Variants in PCDH15 observed in about 807,000 individuals in gnomAD.
PCDH15 encodes protocadherin related 15, also known as protocadherin-15.
In PCDH15, 129 loss-of-function variants were observed where a neutral mutation model predicts 178.5. The observed-to-expected ratio is 0.72, with a 90% confidence interval of 0.63 to 0.84. The LOEUF (loss-of-function observed/expected upper bound fraction) is 0.84, where lower values mean the gene tolerates loss of function less well. Ranked by LOEUF, PCDH15 falls within the 40% of genes least tolerant of loss-of-function variation. The pLI, the probability that PCDH15 is intolerant of heterozygous loss-of-function variation, is 0.00. For synonymous variants in PCDH15, 800 were observed against 732.0 expected, an observed-to-expected ratio of 1.09 and a Z score of -1.50; for missense variants, 2,230 against 2,099.9, an observed-to-expected ratio of 1.06 and a Z score of -1.21.
chr10:54,567,990 A>G (rs115563104), intron 2 of PCDH15, among the ~76,000 whole-genome samples: 1,969 of 152,296 alleles, frequency 0.013, 43 homozygotes, highest in African/African-American at 0.045. Flanking sequence ...CTTATCTAAC[A>G]CATAAGTATA....
intron 18 of PCDH15, among the ~76,000 whole-genome samples, chr10:54,062,920 T>C (rs886693648): frequency 6.6e-6 from 1 of 152,244 alleles, no homozygotes; most frequent in African/African-American, 2.4e-5. Context: ...AAGATCATTT[T>C]TGTAAATAAT....
At chr10:53,837,665 C>G (rs2077384931) in intron 29 of PCDH15, among the ~76,000 whole-genome samples, 1 of 151,982 alleles carries the variant, frequency 6.6e-6, no homozygotes, top group Non-Finnish European at 1.5e-5. Context: ...TACATTTATG[C>G]AGTGTTAAAA....
intron 2 of PCDH15, among the ~76,000 whole-genome samples, chr10:54,567,705 T>C (rs1565617623): frequency 6.6e-6 from 1 of 152,180 alleles, no homozygotes; most frequent in Non-Finnish European, 1.5e-5. Context: ...ATTTTCTAAT[T>C]AGCCTAAAGA....
chr10:55,249,570 T>A (rs1157602672), intron 1 of PCDH15, among the ~76,000 whole-genome samples: 2 of 152,108 alleles, frequency 1.3e-5, no homozygotes, highest in Non-Finnish European at 2.9e-5. Context: ...TAAAAGTAAT[T>A]ATCAAACACA....
At chr10:55,376,663 T>C (rs900800236) in intron 2 of PCDH15, among the ~76,000 whole-genome samples, 2 of 152,092 alleles carry the variant, frequency 1.3e-5, no homozygotes, top group Non-Finnish European at 2.9e-5. Context: ...TCAACTAAAA[T>C]TTTGTATAGC....
chr10:54,469,919 G>A (rs1269163027), intron 3 of PCDH15, among the ~76,000 whole-genome samples: 1 of 152,178 alleles, frequency 6.6e-6, no homozygotes, highest in East Asian at 1.9e-4. Flanking sequence ...TGGTAGCATA[G>A]GTTGAGTGGA....
chr10:53,899,770 C>A (rs1174694102), intron 26 of PCDH15, among the ~76,000 whole-genome samples: 1 of 152,052 alleles, frequency 6.6e-6, no homozygotes, highest in Non-Finnish European at 1.5e-5. Flanking sequence ...TTTTGTTGCT[C>A]TAAGTATAAA....
intron 21 of PCDH15, among the ~76,000 whole-genome samples, chr10:53,967,050 A>C (rs1481309593): frequency 6.6e-6 from 1 of 152,042 alleles, no homozygotes; most frequent in Non-Finnish European, 1.5e-5. Context: ...TCTCCACCCA[A>C]ATTTCATCTT....
chr10:55,510,581 G>A (rs1840857179), intron 2 of PCDH15, among the ~76,000 whole-genome samples: 1 of 151,870 alleles, frequency 6.6e-6, no homozygotes, highest in Non-Finnish European at 1.5e-5. Flanking sequence ...CTTCTGCTAA[G>A]TATAGATTCA....
At chr10:53,894,577 C>A (rs1490050735) in intron 26 of PCDH15, among the ~76,000 whole-genome samples, 1 of 152,126 alleles carries the variant, frequency 6.6e-6, no homozygotes, top group African/African-American at 2.4e-5. Context: ...AAAATTGTCA[C>A]AAAATAACTC....
chr10:55,316,133 T>A (rs1397790298), intron 1 of PCDH15, among the ~76,000 whole-genome samples: 1 of 152,202 alleles, frequency 6.6e-6, no homozygotes, highest in Admixed American at 6.5e-5. Flanking sequence ...AATTTTTCCA[T>A]TTTCTGTATA....
intron 3 of PCDH15, among the ~76,000 whole-genome samples, chr10:54,463,043 T>C (rs1037868061): frequency 6.6e-6 from 1 of 152,126 alleles, no homozygotes; most frequent in East Asian, 1.9e-4. Context: ...TAAAAACTTT[T>C]AAGCTCGTTA....
chr10:54,255,750 G>A (rs2056848518), intron 8 of PCDH15, among the ~76,000 whole-genome samples: 1 of 152,016 alleles, frequency 6.6e-6, no homozygotes, highest in African/African-American at 2.4e-5. Flanking sequence ...TAGCCTGAAA[G>A]CCCACTCAGA....
intron 2 of PCDH15, among the ~76,000 whole-genome samples, chr10:55,005,853 A>G (rs971011698): frequency 6.6e-6 from 1 of 152,088 alleles, no homozygotes; most frequent in Non-Finnish European, 1.5e-5. Flanking sequence ...CAAAAACAAA[A>G]CAAAACAAAA....
At chr10:55,275,779 T>G (rs974237478) in intron 1 of PCDH15, among the ~76,000 whole-genome samples, 1 of 151,508 alleles carries the variant, frequency 6.6e-6, no homozygotes, top group Non-Finnish European at 1.5e-5. Context: ...AGAATCAGGT[T>G]GTCAAAATCC....
At chr10:55,373,178 A>G (rs551280048) in intron 2 of PCDH15, among the ~76,000 whole-genome samples, 1 of 152,270 alleles carries the variant, frequency 6.6e-6, no homozygotes, top group East Asian at 1.9e-4. Flanking sequence ...TTATGCTATT[A>G]AGGGGAAAGC....
intron 26 of PCDH15, among the ~76,000 whole-genome samples, chr10:53,895,205 A>G (rs1461241118): frequency 6.6e-6 from 1 of 152,112 alleles, no homozygotes; most frequent in African/African-American, 2.4e-5. Flanking sequence ...GTATTACCCT[A>G]CATTGTTAAC....
chr10:53,819,984 A>T (rs186494063), intron 33 of PCDH15, among the ~76,000 whole-genome samples, 181 bp downstream of exon 33: 346 of 152,152 alleles, frequency 2.3e-3, no homozygotes, highest in Non-Finnish European at 3.8e-3. Context: ...AAAAGGCAAT[A>T]TAACAATTTA....
intron 1 of PCDH15, among the ~76,000 whole-genome samples, chr10:55,195,243 C>T (rs936505983): frequency 2.0e-5 from 3 of 151,742 alleles, no homozygotes; most frequent in Non-Finnish European, 2.9e-5. Flanking sequence ...AGGCTGCTCT[C>T]GAATTCCTGA....
Sources: allele counts gnomAD v4.1 joint callset (sites outside exome capture counted in the v4.1 genomes callset), GRCh38; gene constraint gnomAD v4.1.1; transcripts MANE v1.5; gene names NCBI Gene and HGNC (gene_info 2026-07-23, HGNC 2026-07-21).